Variants in FBXO43 observed in about 807,000 individuals in gnomAD.
FBXO43 encodes F-box protein 43.
In FBXO43, 22 loss-of-function variants were observed where a neutral mutation model predicts 56.7. The ratio of observed to expected loss-of-function variants is 0.39; its 90% CI spans 0.28 to 0.55. The LOEUF is 0.55. Among genes scored for constraint, FBXO43 ranks in the 20% least tolerant of loss-of-function variants. The probability of loss-of-function intolerance (pLI) is 0.66; values close to 1 mark genes in which losing one functional copy is unlikely to be tolerated. For synonymous variants in FBXO43, 306 were observed against 294.5 expected (o/e 1.04, Z -0.40); for missense variants, 733 against 814.9 (o/e 0.90, Z 1.22).
In FBXO43 at chr8:100,141,055, T is replaced by G. The variant is rs1230562992; in HGVS notation, c.1199A>C (p.Lys400Thr). 2 of 1,614,216 alleles carry G rather than the reference T, an allele frequency of 1.2e-6. No individual in the cohort carries two copies. Among genetic ancestry groups the G allele is most frequent in the South Asian group, 2.2e-5 (2 of 91,076 alleles). The change falls in exon 2 of 5, where the codon AAG (lysine) becomes ACG (threonine). Residue 400 changes from lysine (K) to threonine (T), a missense_variant. Transcript: ENST00000428847. ...QSSQSETEEE[K>T]QIVHPDSEKR... ...TTCAGAGTCAGGGTGGACAATCTGCTTTTCCTCTTCTGTCTCTGACTGCGA... is the reference window on the plus strand; with the variant it reads ...TTCAGAGTCAGGGTGGACAATCTGCGTTTCCTCTTCTGTCTCTGACTGCGA...
chr8:100,144,816 C>T (rs1283450628), intron 1 of FBXO43, among the ~76,000 whole-genome samples: 1 of 151,272 alleles, frequency 6.6e-6, no homozygotes, highest in Non-Finnish European at 1.5e-5. Flanking sequence ...CCTGTAGTCC[C>T]AGCTACTCGG....
chr8:100,143,933 G>T (rs3133669), intron 1 of FBXO43, among the ~76,000 whole-genome samples: 4 of 152,062 alleles, frequency 2.6e-5, no homozygotes, highest in African/African-American at 4.8e-5. Context: ...GACCACGCCC[G>T]GCTAATTTGT....
At chr8:100,140,550 T>C in intron 2 of FBXO43, 133 bp downstream of exon 2, 1 of 711,998 alleles carries the variant, frequency 1.4e-6, no homozygotes, top group East Asian at 2.7e-5. Flanking sequence ...GACGTTCACT[T>C]AAACTATCTT....
Position 100,145,014 on chromosome 8 carries a change from C to G in FBXO43, c.85+37G>C, listed in dbSNP as rs766489675. On this transcript the variant is annotated intron_variant, in intron 1 of 4. Transcript: ENST00000428847. ...AGAGAATGAAGTACTTACATTAAAC[C>G]CAAATGTTCTTCATTTGTTAAAGTG... 5.7e-5 allele frequency: 91 copies of G among 1,587,438 alleles called. No homozygotes were observed. In the East Asian group the frequency reaches 2.0e-3, roughly 35 times the overall value.
At chr8:100,147,817 T>C (rs1044887598), upstream of FBXO43, among the ~76,000 whole-genome samples, 5 of 151,868 alleles carry the variant, frequency 3.3e-5, no homozygotes, top group African/African-American at 1.2e-4. Flanking sequence ...TAGTGTGAGG[T>C]TGTTAAGTTT....
rs367914864 is a variant in FBXO43, at chr8:100,141,212, G to C, written c.1042C>G (p.Leu348Val). 18 of 1,614,064 alleles carry C rather than the reference G, an allele frequency of 1.1e-5. No homozygotes were observed. Among genetic ancestry groups the C allele is most frequent in the Non-Finnish European group, 1.5e-5 (18 of 1,180,038 alleles). The part of the protein sequence containing the change: ...SLSLEKSEDS[L>V]SDQEGSFQEL... ...TGAAAAGAACCCTCCTGGTCAGACA[G>C]GGAATCTTCTGATTTCTCCAAGCTA... Residue 348 changes from leucine (L) to valine (V), a missense_variant, in exon 2 of 5, where the codon CTG (leucine) becomes GTG (valine). By Grantham distance (32) the Leu-to-Val change is conservative. Transcript: ENST00000428847.
upstream of FBXO43, among the ~76,000 whole-genome samples, chr8:100,150,198 G>A (rs1814893522): frequency 6.6e-6 from 1 of 152,234 alleles, no homozygotes. Context: ...GTAGGAGGCA[G>A]CTGCCCCACT....
In FBXO43 at chr8:100,140,699, C is replaced by A. The variant is rs375949319; in HGVS notation, c.1555G>T (p.Ala519Ser). ...ILAMVLESLTAESLCSVWKVS... is the reference protein window; with the variant it reads ...ILAMVLESLTSESLCSVWKVS... ...ACTTCTTACCTGCATAGGCTCTCTG[C>A]GGTCAAGGACTCTAAAACCATAGCA... Residue 519 changes from alanine (A) to serine (S), a missense_variant, in exon 2 of 5, where the codon GCA (alanine) becomes TCA (serine). Coordinates refer to ENST00000428847, the MANE Select transcript of FBXO43 (RefSeq NM_001029860.4). The A allele has an allele frequency of 3.8e-6, 6 of 1,594,688 alleles. No individual in the cohort carries two copies. The highest frequency in any genetic ancestry group is 1.7e-6 in the Non-Finnish European group (2 of 1,173,516).
chr8:100,133,975 A>C lies in FBXO43; in HGVS notation c.1954T>G (p.Tyr652Asp). The change falls in exon 5 of 5, where the codon TAT becomes GAT. Residue 652 changes from tyrosine to aspartate, a missense_variant. Transcript: ENST00000428847. ...CGGCTACACAGTCCCCTTTTCTTATATGGCTGGTACTTAGCAGGGGACTGG... is the reference window on the plus strand; with the variant it reads ...CGGCTACACAGTCCCCTTTTCTTATCTGGCTGGTACTTAGCAGGGGACTGG... ...RCQSPAKYQP[Y>D]KKRGLCSRTA... 6.2e-7 allele frequency: 1 copy of C among 1,614,154 alleles called. No individual in the cohort carries two copies. The highest frequency in any genetic ancestry group is 8.5e-7 in the Non-Finnish European group (1 of 1,180,020).
chr8:100,137,937 CTGAT>C (rs1440789480), intron 2 of FBXO43, among the ~76,000 whole-genome samples: 3 of 152,132 alleles, frequency 2.0e-5, no homozygotes, highest in Non-Finnish European at 1.5e-5. Context: ...CACTGGGAGA[CTGAT>C]TAAGAGGATT....
At chr8:100,138,330 G>A (rs192604822) in intron 2 of FBXO43, among the ~76,000 whole-genome samples, 1 of 152,296 alleles carries the variant, frequency 6.6e-6, no homozygotes, top group East Asian at 1.9e-4. Flanking sequence ...AAGGAGTAAG[G>A]TCAGAAAAGA....
intron 3 of FBXO43, 32 bp from the exon 4 acceptor site, chr8:100,134,396 C>T: frequency 6.3e-7 from 1 of 1,578,342 alleles, no homozygotes; most frequent in African/African-American, 1.3e-5. Context: ...ATCAATACTG[C>T]AATACCAAAA....
In FBXO43 at chr8:100,141,373, G is replaced by C. The variant is rs1814645790; in HGVS notation, c.881C>G (p.Thr294Arg). The C allele has an allele frequency of 4.3e-6, 7 of 1,613,406 alleles. No homozygotes were observed. Among genetic ancestry groups the C allele is most frequent in the Non-Finnish European group, 5.9e-6 (7 of 1,180,010 alleles). Residue 294 changes from threonine (T) to arginine (R), a missense_variant, in exon 2 of 5, where the codon ACA (threonine) becomes AGA (arginine). Transcript: ENST00000428847. ...CGGAGTCACAAATATGTCCTCATCT[G>C]TTCCACAAGTTGTTCCACTAACAGA... Reference protein sequence around the residue: ...GSSVSGTTCGTDEDIFVTPIS... With the variant: ...GSSVSGTTCGRDEDIFVTPIS...
intron 3 of FBXO43, chr8:100,137,060 T>TTTTG (rs1185638277): frequency 6.6e-6 from 1 of 152,380 alleles, no homozygotes; most frequent in African/African-American, 2.4e-5. Context: ...TGTTCTTTTT[T>TTTTG]TTTTGTTTTG....
chr8:100,147,144 G>A (rs766869954), upstream of FBXO43, among the ~76,000 whole-genome samples: 3 of 152,166 alleles, frequency 2.0e-5, no homozygotes, highest in Non-Finnish European at 1.5e-5. Context: ...CACTGTGCCC[G>A]TCCACTAACA....
upstream of FBXO43, among the ~76,000 whole-genome samples, chr8:100,150,010 G>C (rs1341731972): frequency 1.3e-5 from 2 of 152,170 alleles, no homozygotes; most frequent in Admixed American, 6.5e-5. Flanking sequence ...ACATAGAACG[G>C]AGGGCGGGTG....
At position 100,133,625 on chromosome 8, in the gene FBXO43, A is replaced by T. The variant is rs200391058; in HGVS notation, c.*177T>A. ...ATGGGTAAAATGACATAGTAAAATAAAATTTTTTCAAAACAACTTTAAAGA... is the reference window on the plus strand; with the variant it reads ...ATGGGTAAAATGACATAGTAAAATATAATTTTTTCAAAACAACTTTAAAGA... On this transcript the variant is annotated 3_prime_UTR_variant, in exon 5 of 5. Coordinates refer to ENST00000428847, the MANE Select transcript of FBXO43 (RefSeq NM_001029860.4). 66 of 658,932 alleles carry T rather than the reference A, an allele frequency of 1.0e-4. 1 individual carries two copies. The East Asian group carries it at 2.0e-3, about 20-fold the overall frequency. The allele number at this position is 658,932 out of a possible 1,614,324, so 40.8% of individuals were successfully genotyped here.
chr8:100,144,021 C>A (rs1024928711), intron 1 of FBXO43, among the ~76,000 whole-genome samples: 1 of 152,208 alleles, frequency 6.6e-6, no homozygotes, highest in African/African-American at 2.4e-5. Flanking sequence ...ATCCACCCAA[C>A]CTTGGCCTCC....
In FBXO43 at chr8:100,141,274, C is replaced by A; in HGVS notation, c.980G>T (p.Ser327Ile). 1 of 1,614,132 alleles carries A rather than the reference C, an allele frequency of 6.2e-7. No homozygotes were observed. Among genetic ancestry groups the A allele is most frequent in the Non-Finnish European group, 8.5e-7 (1 of 1,180,016 alleles). The change falls in exon 2 of 5, where the codon AGT becomes ATT. Residue 327 changes from serine to isoleucine, a missense_variant. Physicochemically the swap from Ser to Ile is moderately radical, Grantham distance 142. Coordinates refer to ENST00000428847, the MANE Select transcript of FBXO43 (RefSeq NM_001029860.4). Reference protein sequence around the residue: ...ILSPSPEVRGSISTPEDSGFN... With the variant: ...ILSPSPEVRGIISTPEDSGFN... ...ACCACTGTCTTCAGGCGTTGAAATA[C>A]TGCCTCTCACTTCAGGTGAAGGAGA...
Sources: allele counts gnomAD v4.1 joint callset (sites outside exome capture counted in the v4.1 genomes callset), GRCh38; gene constraint gnomAD v4.1.1; transcripts MANE v1.5; gene names NCBI Gene and HGNC (gene_info 2026-07-23, HGNC 2026-07-21).